SPRY3: variants seen among roughly 807,000 people sequenced by gnomAD.
SPRY3 encodes sprouty RTK signaling antagonist 3.
In SPRY3, 15 loss-of-function variants were observed where a neutral mutation model predicts 20.2. The observed-to-expected ratio is 0.74, with a 90% CI of 0.50 to 1.14. SPRY3 has a LOEUF of 1.14. SPRY3 is among the 50% of genes most tolerant of loss of function. The pLI, the probability that SPRY3 is intolerant of heterozygous loss-of-function variation, is 0.00. For missense variants in SPRY3, 364 were observed against 363.9 expected, an observed-to-expected ratio of 1.00 and a Z score of 0.00; for synonymous variants, 143 against 136.5, an observed-to-expected ratio of 1.05 and a Z score of -0.33.
chrX:155,706,976 T>C (rs1320575756), intron 2 of SPRY3, among the ~76,000 whole-genome samples: 1 of 151,168 alleles, frequency 6.6e-6, no homozygotes, highest in East Asian at 1.9e-4. Flanking sequence ...TTACATTTTT[T>C]CTTTTCTATT....
chrX:155,735,890 C>T (rs1208362138), intron 2 of SPRY3, among the ~76,000 whole-genome samples: 6 of 151,664 alleles, frequency 4.0e-5, no homozygotes, highest in African/African-American at 1.5e-4. Context: ...CTTTTTCTAT[C>T]TTCCACTCTT....
At chrX:155,666,364 T>A (rs2068024558) in intron 2 of SPRY3, among the ~76,000 whole-genome samples, 1 of 111,786 alleles carries the variant, frequency 8.9e-6, no homozygotes, top group Admixed American at 9.5e-5. Context: ...TAACCTGAAT[T>A]TGATGGAGCC....
At chrX:155,721,322 C>A (rs986760149) in intron 2 of SPRY3, among the ~76,000 whole-genome samples, 45 of 151,832 alleles carry the variant, frequency 3.0e-4, no homozygotes, top group Non-Finnish European at 4.7e-4. Flanking sequence ...CTGAAAAAGG[C>A]AAATCTAAGA....
At chrX:155,672,598 C>G (rs1227485899) in intron 2 of SPRY3, among the ~76,000 whole-genome samples, 2 of 109,308 alleles carry the variant, frequency 1.8e-5, no homozygotes, top group East Asian at 5.8e-4. Context: ...GAAATAGGAA[C>G]ACTTTTACAC....
chrX:155,740,944 T>C (rs552158555), intron 2 of SPRY3, among the ~76,000 whole-genome samples: 29 of 152,274 alleles, frequency 1.9e-4, no homozygotes, highest in African/African-American at 6.0e-4. Context: ...AAAATTCCTC[T>C]GTTTGTACTC....
chrX:155,773,859 AAATC>A, exon 4 of SPRY3: 1 of 1,609,566 alleles, frequency 6.2e-7, no homozygotes, highest in Non-Finnish European at 8.5e-7. Context: ...CAGAGCTAAA[AAATC>A]AAGGCAAAAT....
chrX:155,772,396 C>G (rs932498128), intron 3 of SPRY3, among the ~76,000 whole-genome samples: 1 of 152,136 alleles, frequency 6.6e-6, no homozygotes, highest in Non-Finnish European at 1.5e-5. Context: ...GAAACGTAAT[C>G]AAGCACCATC....
At chrX:155,706,307 T>C (rs2090950628) in intron 2 of SPRY3, among the ~76,000 whole-genome samples, 1 of 151,174 alleles carries the variant, frequency 6.6e-6, no homozygotes, top group Admixed American at 6.6e-5. Flanking sequence ...TAAAATATTT[T>C]GAACTGAATG....
intron 2 of SPRY3, among the ~76,000 whole-genome samples, chrX:155,732,842 G>C (rs2091142800): frequency 6.6e-6 from 1 of 152,002 alleles, no homozygotes; most frequent in Admixed American, 6.6e-5. Flanking sequence ...CCTGTCATTT[G>C]CAACAACGTG....
intron 2 of SPRY3, among the ~76,000 whole-genome samples, chrX:155,761,951 A>G (rs1012465355): frequency 7.2e-5 from 11 of 152,048 alleles, no homozygotes; most frequent in South Asian, 2.1e-4. Context: ...CAAAACTCCA[A>G]TGATCTCTTT....
At chrX:155,739,237 G>C (rs988567385) in intron 2 of SPRY3, among the ~76,000 whole-genome samples, 1 of 152,178 alleles carries the variant, frequency 6.6e-6, no homozygotes, top group Non-Finnish European at 1.5e-5. Flanking sequence ...TCCTCACTGG[G>C]ATGTGTGGGG....
chrX:155,714,752 G>A (rs1221241037), intron 2 of SPRY3, among the ~76,000 whole-genome samples: 1 of 152,034 alleles, frequency 6.6e-6, no homozygotes, highest in Non-Finnish European at 1.5e-5. Context: ...TTTACCTGAT[G>A]TTCTATTCTA....
At chrX:155,705,449 AAC>A (rs1281696357) in intron 2 of SPRY3, among the ~76,000 whole-genome samples, 2 of 151,448 alleles carry the variant, frequency 1.3e-5, no homozygotes, top group African/African-American at 4.8e-5. Context: ...AGAATAATGA[AAC>A]ACAGATGAAA....
At chrX:155,723,545 A>AT (rs1252992936) in intron 2 of SPRY3, among the ~76,000 whole-genome samples, 3 of 152,062 alleles carry the variant, frequency 2.0e-5, no homozygotes, top group African/African-American at 4.8e-5. Context: ...GATGATGAGC[A>AT]TTTTTTCATG....
chrX:155,624,264 C>G (rs1001226103), intron 1 of SPRY3, among the ~76,000 whole-genome samples: 1 of 111,708 alleles, frequency 9.0e-6, no homozygotes, highest in African/African-American at 3.2e-5. Flanking sequence ...AGGGATTCAT[C>G]TGGCATTTAT....
At chrX:155,736,350 T>A (rs2091169249) in intron 2 of SPRY3, among the ~76,000 whole-genome samples, 1 of 151,958 alleles carries the variant, frequency 6.6e-6, no homozygotes, top group Non-Finnish European at 1.5e-5. Flanking sequence ...GGCCTTCTTT[T>A]AACATTTTTT....
intron 1 of SPRY3, among the ~76,000 whole-genome samples, chrX:155,652,881 A>G (rs974206202): frequency 1.8e-5 from 2 of 111,619 alleles, no homozygotes; most frequent in Non-Finnish European, 3.8e-5. Context: ...AACATTTGTT[A>G]TTTTCTGCCA....
chrX:155,617,828 C>G (rs574386), intron 1 of SPRY3, among the ~76,000 whole-genome samples: 21 of 110,253 alleles, frequency 1.9e-4, no homozygotes, highest in Non-Finnish European at 3.8e-4. Flanking sequence ...AGTAATAGGC[C>G]GACATATATT....
chrX:155,704,713 G>A (rs1003789241), intron 2 of SPRY3, among the ~76,000 whole-genome samples: 4 of 151,266 alleles, frequency 2.6e-5, no homozygotes, highest in Admixed American at 2.0e-4. Flanking sequence ...AAACAAATTA[G>A]GCATATTTTA....
Sources: gnomAD v4.1 joint callset for allele counts (sites outside exome capture counted in the v4.1 genomes callset) on GRCh38, gnomAD v4.1.1 for gene constraint, MANE v1.5 for transcripts, NCBI Gene and HGNC (gene_info 2026-07-23, HGNC 2026-07-21) for gene names.